The following CACNA1E variants were observed in gnomAD, a reference collection of about 807,000 sequenced individuals.
The protein encoded by CACNA1E is calcium voltage-gated channel subunit alpha1 E.
A neutral mutation model predicts 259.2 loss-of-function variants in CACNA1E; 40 were observed. The observed-to-expected ratio is 0.15, with a 90% CI of 0.12 to 0.20. The LOEUF (loss-of-function observed/expected upper bound fraction) is 0.20, where lower values mean the gene tolerates loss of function less well. CACNA1E is among the 10% of genes least tolerant of loss of function. The pLI, the probability that CACNA1E is intolerant of heterozygous loss-of-function variation, is 1.00. For synonymous variants in CACNA1E, 1,104 were observed against 1,138.5 expected (o/e 0.97, Z 0.61); for missense variants, 1,874 against 3,040.1 (o/e 0.62, Z 9.02).
chr1:181,782,875 G>C (rs145472699), intron 39 of CACNA1E, among the ~76,000 whole-genome samples: 169 of 152,308 alleles, frequency 1.1e-3, no homozygotes, highest in African/African-American at 3.7e-3. Context: ...GGGAGAAGGG[G>C]AGCGGGGATT....
intron 6 of CACNA1E, among the ~76,000 whole-genome samples, chr1:181,585,359 A>G (rs762527917): frequency 5.3e-5 from 8 of 152,198 alleles, no homozygotes; most frequent in African/African-American, 1.9e-4. Flanking sequence ...ACATTCATAC[A>G]TAAGTATAGA....
intron 3 of CACNA1E, among the ~76,000 whole-genome samples, chr1:181,542,594 A>C (rs1000272074): frequency 2.6e-5 from 4 of 152,046 alleles, no homozygotes; most frequent in African/African-American, 9.7e-5. Context: ...CCATTGGCTC[A>C]GCACTTCTCC....
At chr1:181,483,078 C>G (rs949779998), upstream of CACNA1E, among the ~76,000 whole-genome samples, 2 of 152,244 alleles carry the variant, frequency 1.3e-5, no homozygotes, top group Admixed American at 6.5e-5. Flanking sequence ...CTCCCCACCT[C>G]CCTCCCTCTT....
rs373164787 is a variant in CACNA1E, at chr1:181,733,554, G to A, written c.3066G>A (p.Thr1022=). Residue 1022 remains threonine (T), a synonymous_variant, in exon 21 of 48, where the codon ACG becomes ACA. Transcript: ENST00000367573. ...AAGTGGGGAAGCACGTGGTGCTGAC[G>A]GAGCAGGAGCCAGAAGGCAGCAGTG... The part of the protein sequence containing the change: ...ELEVGKHVVL[T]EQEPEGSSEQ... 48 of 1,612,766 alleles carry A rather than the reference G, an allele frequency of 3.0e-5. No homozygotes were observed. In the African/African-American group the frequency reaches 3.5e-4, roughly 12 times the overall value.
chr1:181,376,588 C>T (rs780577004), intron 1 of CACNA1E, among the ~76,000 whole-genome samples: 1 of 152,182 alleles, frequency 6.6e-6, no homozygotes, highest in African/African-American at 2.4e-5. Flanking sequence ...AGGCCCCTCA[C>T]AGCTTGGGGC....
chr1:181,647,372 A>G (rs1034824525), intron 6 of CACNA1E, among the ~76,000 whole-genome samples: 1 of 152,162 alleles, frequency 6.6e-6, no homozygotes, highest in Non-Finnish European at 1.5e-5. Flanking sequence ...CAAGTCTTAC[A>G]TGAAAGGAGC....
rs1371824499 is a variant in CACNA1E, at chr1:181,806,644, T to C, written c.*7810T>C. On this transcript the variant is annotated 3_prime_UTR_variant, in exon 48 of 48. Coordinates refer to ENST00000367573, the MANE Select transcript of CACNA1E (RefSeq NM_001205293.3). The stretch of plus-strand genomic sequence containing the variant: ...CCTAAAGCCACAGTTCAGCACTGCA[T>C]GTTGACCAGGCGGATATCCTATAAT... The C allele has an allele frequency of 6.6e-6, 1 of 152,118 alleles. No individual in the cohort carries two copies. The highest frequency in any genetic ancestry group is 1.5e-5 in the Non-Finnish European group (1 of 68,032). 9.4% of individuals were successfully genotyped at this position (152,118 alleles called of 1,614,324 possible). A position where few individuals can be genotyped will look rare whatever the true frequency, so the allele number is the denominator to read the frequency against.
chr1:181,329,510 G>C (rs1651066907), intron 1 of CACNA1E, among the ~76,000 whole-genome samples: 1 of 151,852 alleles, frequency 6.6e-6, no homozygotes, highest in Non-Finnish European at 1.5e-5. Flanking sequence ...CAGCTACTCT[G>C]GTCTCTTTTA....
At chr1:181,403,785 C>T (rs1257783109) in intron 1 of CACNA1E, among the ~76,000 whole-genome samples, 1 of 152,146 alleles carries the variant, frequency 6.6e-6, no homozygotes, top group Non-Finnish European at 1.5e-5. Flanking sequence ...TGTATTGGCT[C>T]ATATTGCTGG....
chr1:181,380,280 A>G (rs1655372238), intron 1 of CACNA1E, among the ~76,000 whole-genome samples: 1 of 152,004 alleles, frequency 6.6e-6, no homozygotes, highest in Admixed American at 6.6e-5. Context: ...TAAAGACACA[A>G]ACTTTATAGT....
At chr1:181,621,800 A>C (rs1311420174) in intron 6 of CACNA1E, among the ~76,000 whole-genome samples, 1 of 152,184 alleles carries the variant, frequency 6.6e-6, no homozygotes, top group African/African-American at 2.4e-5. Flanking sequence ...CAAGATGCCG[A>C]GAGACTGAGT....
At chr1:181,520,457 A>C (rs569204442) in intron 3 of CACNA1E, among the ~76,000 whole-genome samples, 27 of 152,352 alleles carry the variant, frequency 1.8e-4, no homozygotes, top group African/African-American at 6.3e-4. Context: ...CCTTGAAAAA[A>C]ACCAGCATAT....
intron 35 of CACNA1E, among the ~76,000 whole-genome samples, chr1:181,769,969 C>T (rs1659361303): frequency 6.6e-6 from 1 of 152,142 alleles, no homozygotes; most frequent in Admixed American, 6.5e-5. Context: ...CTTCTCTTTC[C>T]ATTCTTCTCT....
intron 43 of CACNA1E, among the ~76,000 whole-genome samples, chr1:181,786,506 A>G (rs1457458946): frequency 1.3e-5 from 2 of 151,442 alleles, no homozygotes; most frequent in Non-Finnish European, 3.0e-5. Flanking sequence ...GACCTTATTC[A>G]GAAAGGGAAC....
intron 17 of CACNA1E, among the ~76,000 whole-genome samples, chr1:181,725,373 T>C (rs1025189011): frequency 2.0e-5 from 3 of 152,252 alleles, no homozygotes; most frequent in Non-Finnish European, 4.4e-5. Flanking sequence ...AGCATTGGTT[T>C]CTTCATGCAT....
intron 1 of CACNA1E, among the ~76,000 whole-genome samples, chr1:181,373,810 C>T (rs1162980367): frequency 6.6e-6 from 1 of 152,180 alleles, no homozygotes; most frequent in Non-Finnish European, 1.5e-5. Flanking sequence ...CAGGCATGGA[C>T]CACCGTGCCT....
At chr1:181,739,065 G>T (rs1319534304) in intron 24 of CACNA1E, 82 bp from the exon 25 acceptor site, 2 of 832,780 alleles carry the variant, frequency 2.4e-6, no homozygotes, top group Non-Finnish European at 4.2e-6. Flanking sequence ...GGCAGTGGGG[G>T]CACTGCCATG....
intron 1 of CACNA1E, among the ~76,000 whole-genome samples, chr1:181,487,377 C>T (rs1663924606): frequency 6.6e-6 from 1 of 152,104 alleles, no homozygotes; most frequent in African/African-American, 2.4e-5. Context: ...TAGGGGAGGT[C>T]TAGTTCTTAT....
chr1:181,558,972 T>G (rs537558583), intron 3 of CACNA1E, among the ~76,000 whole-genome samples: 1 of 152,276 alleles, frequency 6.6e-6, no homozygotes, highest in Admixed American at 6.5e-5. Context: ...AGTTGAGACC[T>G]GGAAGATGAG....
Sources: gnomAD v4.1 joint callset for allele counts (sites outside exome capture counted in the v4.1 genomes callset) on GRCh38, gnomAD v4.1.1 for gene constraint, MANE v1.5 for transcripts, NCBI Gene and HGNC (gene_info 2026-07-23, HGNC 2026-07-21) for gene names.